Variants in MYO18B observed in about 807,000 individuals in gnomAD.
MYO18B encodes the protein myosin XVIIIB, also known as unconventional myosin-XVIIIb.
MYO18B carries 204 observed loss-of-function variants against 273.0 expected under a neutral mutation model. The ratio of observed to expected loss-of-function variants is 0.75; its 90% CI spans 0.67 to 0.84. The LOEUF (loss-of-function observed/expected upper bound fraction) is 0.84. MYO18B is among the 40% of genes least tolerant of loss of function. MYO18B has a pLI of 0.00. For missense variants in MYO18B, 3,212 were observed against 3,287.6 expected (o/e 0.98, Z 0.56); for synonymous variants, 1,330 against 1,305.7 (o/e 1.02, Z -0.40).
chr22:25,839,114 ATATG>A (rs1298721796), intron 17 of MYO18B, among the ~76,000 whole-genome samples: 2 of 140,188 alleles, frequency 1.4e-5, no homozygotes, highest in African/African-American at 2.5e-5. Context: ...GTGTGTGTAT[ATATG>A]TATGAGTGTT....
intron 11 of MYO18B, 93 bp from the exon 12 acceptor site, chr22:25,797,860 A>G: frequency 1.9e-6 from 3 of 1,578,424 alleles, no homozygotes; most frequent in African/African-American, 1.3e-5. Flanking sequence ...TGACCCCCGC[A>G]TTCCTTCGAG....
chr22:25,924,106 A>G (rs914862080), intron 34 of MYO18B, among the ~76,000 whole-genome samples: 21 of 152,200 alleles, frequency 1.4e-4, no homozygotes, highest in Non-Finnish European at 8.8e-5. Flanking sequence ...CGCGTGGACC[A>G]GAGGTCAGGG....
chr22:25,932,568 C>T (rs1023283087), intron 34 of MYO18B, among the ~76,000 whole-genome samples: 1 of 151,844 alleles, frequency 6.6e-6, no homozygotes, highest in African/African-American at 2.4e-5. Flanking sequence ...GTCACCATGC[C>T]CGGCTAATTT....
intron 12 of MYO18B, among the ~76,000 whole-genome samples, chr22:25,798,737 T>C (rs1023271671): frequency 2.0e-5 from 3 of 151,526 alleles, no homozygotes; most frequent in Non-Finnish European, 4.4e-5. Context: ...TATATATTTT[T>C]TTATTTTTTT....
chr22:26,037,282 G>C, the MYO18B span, among the ~76,000 whole-genome samples: 1 of 152,312 alleles, frequency 6.6e-6, no homozygotes, highest in South Asian at 2.1e-4. Flanking sequence ...TTCTTCTCGA[G>C]TAATAAGGGG....
At chr22:26,037,889 A>G in the MYO18B span, among the ~76,000 whole-genome samples, 1 of 152,206 alleles carries the variant, frequency 6.6e-6, no homozygotes, top group African/African-American at 2.4e-5. Context: ...CCATGGACTA[A>G]TACCCCATAC....
chr22:25,754,470 A>AGGGTCCCAT (rs966487809), intron 1 of MYO18B, among the ~76,000 whole-genome samples: 1 of 152,124 alleles, frequency 6.6e-6, no homozygotes, highest in Non-Finnish European at 1.5e-5. Flanking sequence ...GAAAGCCTTG[A>AGGGTCCCAT]GGGTCCCATG....
At chr22:25,880,775 A>G (rs1274968919) in intron 25 of MYO18B, among the ~76,000 whole-genome samples, 1 of 152,236 alleles carries the variant, frequency 6.6e-6, no homozygotes, top group Non-Finnish European at 1.5e-5. Context: ...TATGAAGCAG[A>G]AGGAGGTGAC....
At chr22:26,029,785 A>T (rs372382752) in intron 43 of MYO18B, among the ~76,000 whole-genome samples, 9 of 152,198 alleles carry the variant, frequency 5.9e-5, no homozygotes, top group African/African-American at 2.2e-4. Context: ...CAGTCTCACC[A>T]AGCCCCTGTG....
chr22:26,026,326 G>T, intron 42 of MYO18B, 119 bp from the exon 43 acceptor site: 2 of 1,143,688 alleles, frequency 1.7e-6, no homozygotes, highest in East Asian at 2.4e-5. Context: ...GAGTGCGGTA[G>T]GGATGGTATT....
chr22:25,823,621 C>T lies in MYO18B; in HGVS notation c.2638C>T (p.Gln880Ter). 1 of 1,613,980 alleles carries T rather than the reference C, an allele frequency of 6.2e-7. No individual in the cohort carries two copies. The highest frequency in any genetic ancestry group is 8.5e-7 in the Non-Finnish European group (1 of 1,179,888). The change falls in exon 13 of 44, where the codon CAG becomes TAG. Residue 880 changes from glutamine (Q) to a stop codon, truncating the protein, a stop_gained. Transcript: ENST00000335473. LOFTEE classifies it high-confidence loss of function. ...CAAGCACCACCTTCGACAGATCATC[C>T]AGCAAATGACGTTTGGGCCAAGCCG... ...TFKHHLRQII[Q>*]QMTFGPSRWG... is the part of the protein sequence containing the mutation.
intron 12 of MYO18B, among the ~76,000 whole-genome samples, chr22:25,822,774 G>T (rs149699847): frequency 2.6e-3 from 398 of 152,378 alleles, no homozygotes; most frequent in Non-Finnish European, 3.9e-3. Flanking sequence ...ACAACTTTAA[G>T]GGGTCCGCAT....
At chr22:25,774,419 C>A (rs760498011) in intron 7 of MYO18B, among the ~76,000 whole-genome samples, 1 of 152,230 alleles carries the variant, frequency 6.6e-6, no homozygotes, top group African/African-American at 2.4e-5. Context: ...CCCTGGAAAT[C>A]CCTGGAAGGG....
chr22:25,839,145 AGT>A (rs752912986), intron 17 of MYO18B, among the ~76,000 whole-genome samples: 5 of 136,058 alleles, frequency 3.7e-5, no homozygotes, highest in South Asian at 2.4e-4. Flanking sequence ...TATGTGTATG[AGT>A]GTGTATATAT....
intron 12 of MYO18B, among the ~76,000 whole-genome samples, chr22:25,798,732 A>C (rs2088043486): frequency 1.3e-5 from 2 of 151,084 alleles, no homozygotes; most frequent in East Asian, 1.9e-4. Context: ...GTTAATATAT[A>C]TTTTTTTATT....
chr22:26,006,139 T>C (rs1297647094), intron 42 of MYO18B, among the ~76,000 whole-genome samples: 1 of 152,194 alleles, frequency 6.6e-6, no homozygotes, highest in Non-Finnish European at 1.5e-5. Context: ...ATGTGAATGC[T>C]CATTAACATA....
At chr22:25,996,655 A>G (rs1933282961) in intron 40 of MYO18B, among the ~76,000 whole-genome samples, 1 of 152,132 alleles carries the variant, frequency 6.6e-6, no homozygotes, top group Non-Finnish European at 1.5e-5. Flanking sequence ...ACGAGGCCAG[A>G]GAACGTAGTG....
At chr22:25,923,903 C>T (rs1446013747) in intron 34 of MYO18B, among the ~76,000 whole-genome samples, 2 of 152,062 alleles carry the variant, frequency 1.3e-5, no homozygotes, top group African/African-American at 4.8e-5. Flanking sequence ...CATGAGAATT[C>T]TCCCTCTGCA....
chr22:25,954,559 T>C (rs1428505769), intron 38 of MYO18B, among the ~76,000 whole-genome samples: 1 of 152,134 alleles, frequency 6.6e-6, no homozygotes, highest in African/African-American at 2.4e-5. Flanking sequence ...ACACAGGTAC[T>C]ATCATCATCC....
Sources: allele counts gnomAD v4.1 joint callset (sites outside exome capture counted in the v4.1 genomes callset), GRCh38; gene constraint gnomAD v4.1.1; transcripts MANE v1.5; gene names NCBI Gene and HGNC (gene_info 2026-07-23, HGNC 2026-07-21).